The following GLP2R variants were observed in gnomAD, a reference collection of about 807,000 sequenced individuals.
The protein encoded by GLP2R is glucagon like peptide 2 receptor.
In GLP2R, 59 loss-of-function variants were observed where a neutral mutation model predicts 68.2. The ratio of observed to expected loss-of-function variants is 0.87; its 90% CI spans 0.70 to 1.07. GLP2R has a LOEUF of 1.07. Among genes scored for constraint, GLP2R ranks in the 50% least tolerant of loss-of-function variants. GLP2R has a pLI of 0.00. For synonymous variants in GLP2R, 270 were observed against 265.4 expected, an observed-to-expected ratio of 1.02 and a Z score of -0.17; for missense variants, 548 against 677.4, an observed-to-expected ratio of 0.81 and a Z score of 2.12.
intron 3 of GLP2R, among the ~76,000 whole-genome samples, chr17:9,839,396 T>C (rs9890352): frequency 0.21 from 31,979 of 151,918 alleles, 4,297 homozygotes; most frequent in Non-Finnish European, 0.31. Flanking sequence ...CAAACTCCTC[T>C]TCCTTCTCCT....
At chr17:9,842,825 G>A (rs998850650) in intron 4 of GLP2R, among the ~76,000 whole-genome samples, 1 of 152,210 alleles carries the variant, frequency 6.6e-6, no homozygotes, top group Non-Finnish European at 1.5e-5. Flanking sequence ...AAAATCCTAA[G>A]AGAAGTCAGT....
chr17:9,876,596 C>A (rs367699837), intron 10 of GLP2R, among the ~76,000 whole-genome samples: 1 of 152,138 alleles, frequency 6.6e-6, no homozygotes, highest in African/African-American at 2.4e-5. Context: ...TCTTGTGATC[C>A]GCTTCAGGAG....
intron 4 of GLP2R, among the ~76,000 whole-genome samples, chr17:9,848,512 A>G (rs1421468608): frequency 6.6e-6 from 1 of 152,214 alleles, no homozygotes; most frequent in Non-Finnish European, 1.5e-5. Flanking sequence ...AAGTGTGCGG[A>G]CACAGTAGCA....
Position 9,861,185 on chromosome 17 carries a change from C to G in GLP2R, c.972C>G (p.His324Gln). The change falls in exon 8 of 13, where the codon CAC (histidine) becomes CAG (glutamine). Residue 324 changes from histidine to glutamine, a missense_variant. Transcript: ENST00000262441. ...FVVPWGFARA[H>Q]LENTGCWTTN... The stretch of plus-strand genomic sequence containing the variant: ...TACCCTGGGGTTTCGCCCGTGCACA[C>G]CTGGAGAACACAGGGTAGGTAATTC... 4 of 1,611,584 alleles carry G rather than the reference C, an allele frequency of 2.5e-6. No homozygotes were observed. The highest frequency in any genetic ancestry group is 3.4e-6 in the Non-Finnish European group (4 of 1,177,796).
intron 7 of GLP2R, among the ~76,000 whole-genome samples, chr17:9,860,794 C>T (rs1449922225): frequency 6.6e-6 from 1 of 152,064 alleles, no homozygotes; most frequent in Non-Finnish European, 1.5e-5. Context: ...AGATTTGGAC[C>T]CCCTACCTCC....
chr17:9,891,079 C>T lies in GLP2R; in HGVS notation c.*1374C>T, dbSNP rs1432850156. ...ATGGGACTAAATACCACCTTGTCTT[C>T]GGGGGAGTCAGTTTGATACTCCTCA... On this transcript the variant is annotated 3_prime_UTR_variant, in exon 13 of 13. Transcript: ENST00000262441. 1 of 152,128 alleles carries T rather than the reference C, an allele frequency of 6.6e-6. No homozygotes were observed. The highest frequency in any genetic ancestry group is 1.5e-5 in the Non-Finnish European group (1 of 68,010). 9.4% of individuals were successfully genotyped at this position (152,128 alleles called of 1,614,324 possible). A position where few individuals can be genotyped will look rare whatever the true frequency, so the allele number is the denominator to read the frequency against.
At chr17:9,852,232 C>A (rs2066898364) in intron 4 of GLP2R, among the ~76,000 whole-genome samples, 1 of 152,040 alleles carries the variant, frequency 6.6e-6, no homozygotes. Flanking sequence ...GGCCCCAACC[C>A]CCTGACAGGC....
chr17:9,825,936 C>T lies in GLP2R; in HGVS notation c.-128C>T, dbSNP rs374009024. ...TCTAGACCGCCTCAGACACTCTCGG[C>T]GCAGCGTGGAGAGGATTTGTGCAAA... On this transcript the variant is annotated 5_prime_UTR_variant, in exon 1 of 13. Coordinates refer to ENST00000262441, the MANE Select transcript of GLP2R (RefSeq NM_004246.3). The T allele has an allele frequency of 2.3e-4, 172 of 764,414 alleles. 1 individual carries two copies. The South Asian group carries it at 2.8e-3, about 13-fold the overall frequency. 47.4% of individuals were successfully genotyped at this position (764,414 alleles called of 1,614,324 possible).
At chr17:9,876,396 TG>T (rs2067142749) in intron 10 of GLP2R, among the ~76,000 whole-genome samples, 1 of 152,154 alleles carries the variant, frequency 6.6e-6, no homozygotes, top group Non-Finnish European at 1.5e-5. Flanking sequence ...CCCAAAGAAA[TG>T]GTCAAACTTG....
rs2066622239 is a variant in GLP2R at position 9,825,953 on chromosome 17, T to C, written c.-111T>C. On this transcript the variant is annotated 5_prime_UTR_variant, in exon 1 of 13. Coordinates refer to ENST00000262441, the MANE Select transcript of GLP2R (RefSeq NM_004246.3). ...ACTCTCGGCGCAGCGTGGAGAGGAT[T>C]TGTGCAAACATTTCCTCTGTGGACC... The C allele has an allele frequency of 2.3e-6, 2 of 870,924 alleles. No individual in the cohort carries two copies. The highest frequency in any genetic ancestry group is 3.6e-6 in the Non-Finnish European group (2 of 557,372). The allele number at this position is 870,924 out of a possible 1,614,324, so 53.9% of individuals were successfully genotyped here. A position where few individuals can be genotyped will look rare whatever the true frequency, so the allele number is the denominator to read the frequency against.
At chr17:9,887,232 G>C (rs1430132058) in intron 11 of GLP2R, among the ~76,000 whole-genome samples, 1 of 138,996 alleles carries the variant, frequency 7.2e-6, no homozygotes, top group Admixed American at 7.3e-5. Context: ...GTCAGGCAAA[G>C]AAAAAAAAAA....
intron 3 of GLP2R, 87 bp from the exon 4 acceptor site, chr17:9,842,408 C>A: frequency 6.5e-7 from 1 of 1,526,994 alleles, no homozygotes; most frequent in Non-Finnish European, 8.9e-7. Context: ...AATCCCTTCT[C>A]CCTGGGATTT....
intron 1 of GLP2R, among the ~76,000 whole-genome samples, chr17:9,832,469 G>A (rs1045300917): frequency 5.9e-5 from 9 of 152,166 alleles, no homozygotes; most frequent in Non-Finnish European, 1.0e-4. Flanking sequence ...AGGTGAGGCA[G>A]GAGAATCGCT....
chr17:9,839,017 G>T (rs1352226181), intron 3 of GLP2R, among the ~76,000 whole-genome samples: 2 of 152,234 alleles, frequency 1.3e-5, no homozygotes, highest in South Asian at 2.1e-4. Flanking sequence ...GACGACTGAG[G>T]CTGGGGGCTG....
At chr17:9,869,540 A>G (rs774845183) in intron 9 of GLP2R, among the ~76,000 whole-genome samples, 12 of 152,220 alleles carry the variant, frequency 7.9e-5, no homozygotes, top group Non-Finnish European at 1.6e-4. Flanking sequence ...GACGGCAGCC[A>G]GGGCCGCAGC....
intron 11 of GLP2R, among the ~76,000 whole-genome samples, chr17:9,886,178 G>A (rs1445454026): frequency 6.6e-6 from 1 of 152,230 alleles, no homozygotes; most frequent in East Asian, 1.9e-4. Flanking sequence ...AGCCCTAACA[G>A]CTTCCTTTCC....
At position 9,891,782 on chromosome 17, in the gene GLP2R, C is replaced by T. The variant is rs2067292684; in HGVS notation, c.*2077C>T. 1.3e-5 allele frequency: 2 copies of T among 152,122 alleles called. No individual in the cohort carries two copies. The highest frequency in any genetic ancestry group is 6.6e-5 in the Admixed American group (1 of 15,258). 9.4% of individuals were successfully genotyped at this position (152,122 alleles called of 1,614,324 possible). ...TGTCTTTCTATTTTTCTCCTTTCTGCAAATGTCCCTGCCTCGGCTCATCAG... is the reference window on the plus strand; with the variant it reads ...TGTCTTTCTATTTTTCTCCTTTCTGTAAATGTCCCTGCCTCGGCTCATCAG... On this transcript the variant is annotated 3_prime_UTR_variant, in exon 13 of 13. Coordinates refer to ENST00000262441, the MANE Select transcript of GLP2R (RefSeq NM_004246.3).
chr17:9,887,998 G>A (rs1236276957), intron 12 of GLP2R, 25 bp downstream of exon 12: 1 of 1,578,498 alleles, frequency 6.3e-7, no homozygotes, highest in Admixed American at 1.7e-5. Context: ...TTGCCATCCT[G>A]GTTTCATGTG....
intron 4 of GLP2R, among the ~76,000 whole-genome samples, chr17:9,846,028 TTTC>T (rs1476090486): frequency 6.6e-6 from 1 of 152,192 alleles, no homozygotes; most frequent in African/African-American, 2.4e-5. Flanking sequence ...TAAGAAAATC[TTTC>T]TTATTTTAAA....
Sources: allele counts gnomAD v4.1 joint callset (sites outside exome capture counted in the v4.1 genomes callset), GRCh38; gene constraint gnomAD v4.1.1; transcripts MANE v1.5; gene names NCBI Gene and HGNC (gene_info 2026-07-23, HGNC 2026-07-21).